The following TRAP1 variants were observed in gnomAD, a reference collection of about 807,000 sequenced individuals.
The protein encoded by TRAP1 is heat shock protein 75 kDa, mitochondrial.
A neutral mutation model predicts 89.1 loss-of-function variants in TRAP1; 102 were observed. That is an observed-to-expected ratio of 1.15 (90% CI 0.98 to 1.35). The LOEUF is 1.35. Ranked by LOEUF, TRAP1 falls within the 40% of genes most tolerant of loss-of-function variation. The pLI is 0.00. For synonymous variants in TRAP1, 508 were observed against 388.0 expected, an observed-to-expected ratio of 1.31 and a Z score of -3.64; for missense variants, 1,256 against 945.3, an observed-to-expected ratio of 1.33 and a Z score of -4.31.
At chr16:3,664,144 C>T in intron 13 of TRAP1, 130 bp downstream of exon 13, 2 of 978,088 alleles carry the variant, frequency 2.0e-6, no homozygotes, top group Non-Finnish European at 2.9e-6. Context: ...GGCCTCTGTG[C>T]CCGTGACCCT....
At chr16:3,676,233 T>A in intron 6 of TRAP1, 88 bp from the exon 7 acceptor site, 3 of 1,148,096 alleles carry the variant, frequency 2.6e-6, no homozygotes, top group Non-Finnish European at 2.5e-6. Flanking sequence ...GAGGGTTTCA[T>A]AGGCAGAGCC....
Position 3,669,832 on chromosome 16 carries a change from CAAAAAAA to C in TRAP1, c.1235+1883_1235+1889del, listed in dbSNP as rs59256364. On this transcript the variant is annotated intron_variant, in intron 11 of 17. Transcript: ENST00000246957. Reference sequence around the variant, plus strand: ...TGGGCAACAGACCAAGACTCCGTCTCAAAAAAAAAAAAAAAAAAAAAAAAAAAAGATT... The same window carrying C: ...TGGGCAACAGACCAAGACTCCGTCTCAAAAAAAAAAAAAAAAAAAAAGATT... Among the ~76,000 whole-genome samples the C allele has an allele frequency of 1.5e-4, 10 of 66,166 alleles. No homozygotes were observed. In the East Asian group the frequency reaches 1.7e-3, roughly 11 times the overall value. The allele number at this position is 66,166 out of a possible 152,430, so 43.4% of individuals were successfully genotyped here.
chr16:3,687,547 G>C (rs531541778), intron 3 of TRAP1, among the ~76,000 whole-genome samples: 51 of 152,194 alleles, frequency 3.4e-4, no homozygotes, highest in African/African-American at 1.2e-3. Flanking sequence ...TGTCCCTCAG[G>C]AGCTGAAAAG....
chr16:3,668,176 C>G, intron 11 of TRAP1, among the ~76,000 whole-genome samples: 1 of 152,044 alleles, frequency 6.6e-6, no homozygotes, highest in Non-Finnish European at 1.5e-5. Flanking sequence ...CCCGCCTCGG[C>G]CTCCCAAAGT....
chr16:3,666,160 A>G (rs2050825389), intron 11 of TRAP1, 42 bp from the exon 12 acceptor site: 4 of 1,582,498 alleles, frequency 2.5e-6, no homozygotes, highest in African/African-American at 2.7e-5. Flanking sequence ...AGCAGCCTCT[A>G]TGAAATACAA....
At chr16:3,713,299 G>C (rs969194617) in intron 1 of TRAP1, among the ~76,000 whole-genome samples, 7 of 152,130 alleles carry the variant, frequency 4.6e-5, no homozygotes, top group East Asian at 3.9e-4. Context: ...TCAACAAAAC[G>C]AAGTACTGAA....
intron 11 of TRAP1, among the ~76,000 whole-genome samples, chr16:3,669,832 CAAAAA>C (rs59256364): frequency 1.5e-5 from 1 of 66,156 alleles, no homozygotes; most frequent in Non-Finnish European, 3.5e-5. Flanking sequence ...GACTCCGTCT[CAAAAA>C]AAAAAAAAAA....
chr16:3,686,029 C>A lies in TRAP1; in HGVS notation c.438G>T (p.Gln146His). 2 of 1,614,124 alleles carry A rather than the reference C, an allele frequency of 1.2e-6. No individual in the cohort carries two copies. Among genetic ancestry groups the A allele is most frequent in the Non-Finnish European group, 1.7e-6 (2 of 1,180,018 alleles). The change falls in exon 4 of 18, where the codon CAG (glutamine) becomes CAT (histidine). Residue 146 changes from glutamine to histidine, a missense_variant. By Grantham distance (24) the Gln-to-His change is conservative. Transcript: ENST00000246957. ...TGATGGTGCCTTTCTCGGCATTGGTCTGCAAGTGAATCTCCATTTCTGGCA... is the reference window on the plus strand; with the variant it reads ...TGATGGTGCCTTTCTCGGCATTGGTATGCAAGTGAATCTCCATTTCTGGCA... ...QALPEMEIHL[Q>H]TNAEKGTITI... is the part of the protein sequence containing the mutation.
chr16:3,691,030 G>A (rs767893781), intron 1 of TRAP1, 45 bp from the exon 2 acceptor site: 22 of 1,412,432 alleles, frequency 1.6e-5, no homozygotes, highest in African/African-American at 5.9e-5. Context: ...AGGAAGACAC[G>A]AGAAACAATA....
At chr16:3,711,684 C>G (rs540794586) in intron 1 of TRAP1, among the ~76,000 whole-genome samples, 1 of 152,122 alleles carries the variant, frequency 6.6e-6, no homozygotes, top group African/African-American at 2.4e-5. Context: ...GATACTGTTT[C>G]TCCAAGCTAC....
intron 1 of TRAP1, chr16:3,710,272 A>G (rs954197795): frequency 6.6e-6 from 1 of 152,214 alleles, no homozygotes; most frequent in Non-Finnish European, 1.5e-5. Context: ...TAACAATTTG[A>G]TGCTAACAAG....
At chr16:3,709,654 T>TTG (rs538895435) in intron 1 of TRAP1, among the ~76,000 whole-genome samples, 9 of 151,898 alleles carry the variant, frequency 5.9e-5, no homozygotes, top group African/African-American at 1.5e-4. Flanking sequence ...TCCCTTTTTT[T>TTG]TGTGTGTGTG....
intron 11 of TRAP1, among the ~76,000 whole-genome samples, chr16:3,666,878 G>A (rs774710492): frequency 1.3e-5 from 2 of 152,148 alleles, no homozygotes; most frequent in Non-Finnish European, 2.9e-5. Context: ...CTTTATCACT[G>A]GGACTAGGGA....
At chr16:3,694,150 C>A (rs1287792513) in intron 1 of TRAP1, among the ~76,000 whole-genome samples, 1 of 152,048 alleles carries the variant, frequency 6.6e-6, no homozygotes, top group Admixed American at 6.6e-5. Flanking sequence ...CAGGCTCTGT[C>A]TCTTGTCACA....
At chr16:3,658,284 T>TTC in intron 17 of TRAP1, 54 bp from the exon 18 acceptor site, 1 of 1,393,160 alleles carries the variant, frequency 7.2e-7, no homozygotes, top group East Asian at 2.4e-5. Flanking sequence ...CCTTTTCATT[T>TTC]TTTTTTTTTT....
chr16:3,717,312 C>A, intron 1 of TRAP1, 109 bp downstream of exon 1: 1 of 398,180 alleles, frequency 2.5e-6, no homozygotes, highest in East Asian at 4.1e-5. Context: ...GCCGGACCTC[C>A]CACGCCTGTG....
intron 15 of TRAP1, 191 bp downstream of exon 15, chr16:3,662,691 G>A (rs765081536): frequency 2.6e-5 from 18 of 698,010 alleles, no homozygotes; most frequent in Admixed American, 6.0e-5. Context: ...AGAAAGACAC[G>A]GCCTTCCTGC....
At chr16:3,689,754 C>G (rs1476750438) in intron 2 of TRAP1, 1 of 152,376 alleles carries the variant, frequency 6.6e-6, no homozygotes, top group South Asian at 2.1e-4. Flanking sequence ...GTGGGAGGAT[C>G]ACTTGAGCCA....
rs375121669 is a variant in TRAP1 at position 3,668,439 on chromosome 16, AC to A, written c.1236-2322del. Among the ~76,000 whole-genome samples, 241 of 152,348 alleles carry A rather than the reference AC, an allele frequency of 1.6e-3. 5 individuals carry two copies. The highest frequency in any genetic ancestry group is 0.01 in the South Asian group (50 of 4,828). ...TGTGACATTTACATAGCTTCAAAAT[AC>A]CTATAACATCTGTTAATTACAAAGG... On this transcript the variant is annotated intron_variant, in intron 11 of 17. Transcript: ENST00000246957.
Sources: allele counts gnomAD v4.1 joint callset (sites outside exome capture counted in the v4.1 genomes callset), GRCh38; gene constraint gnomAD v4.1.1; transcripts MANE v1.5; gene names NCBI Gene and HGNC (gene_info 2026-07-23, HGNC 2026-07-21).